FXR2: variants seen among roughly 807,000 people sequenced by gnomAD.
The protein encoded by FXR2 is FMR1 autosomal homolog 2, also known as RNA-binding protein FXR2.
Under a neutral mutation model 87.3 loss-of-function variants are expected in FXR2, and 9 were observed. The observed-to-expected ratio is 0.10, with a 90% CI of 0.06 to 0.18. The LOEUF is 0.18. Ranked by LOEUF, FXR2 falls within the 10% of genes least tolerant of loss-of-function variation. The probability of loss-of-function intolerance (pLI) is 1.00; values close to 1 mark genes in which losing one functional copy is unlikely to be tolerated. For synonymous variants in FXR2, 331 were observed against 328.3 expected (o/e 1.01, Z -0.09); for missense variants, 661 against 893.6 (o/e 0.74, Z 3.32).
At position 7,592,773 on chromosome 17, in the gene FXR2, G is replaced by A. The variant is rs762974908; in HGVS notation, c.1650C>T (p.Arg550=). Residue 550 remains arginine (R), a synonymous_variant, in exon 14 of 17, where the codon CGC becomes CGT. Coordinates refer to ENST00000250113, the MANE Select transcript of FXR2 (RefSeq NM_004860.4). This position sits in a 1 kb window ranked among gnomAD's most constrained non-coding sequence, Gnocchi z 4.8. ...PASARRRRSR[R]RRTDEDRTVM... ...CGGTCCTGTCTTCATCAGTGCGGCG[G>A]CGGCGGGAGCGGCGGCGCCTGGCAC... 5 of 1,613,214 alleles carry A rather than the reference G, an allele frequency of 3.1e-6. No homozygotes were observed. Among genetic ancestry groups the A allele is most frequent in the Non-Finnish European group, 4.2e-6 (5 of 1,179,692 alleles).
chr17:7,595,481 G>C lies in FXR2; in HGVS notation c.831+343C>G, dbSNP rs1264410375. Among the ~76,000 whole-genome samples, 1 of 147,410 alleles carries C rather than the reference G, an allele frequency of 6.8e-6. No individual in the cohort carries two copies. Among genetic ancestry groups the C allele is most frequent in the East Asian group, 2.0e-4 (1 of 5,026 alleles). On this transcript the variant is annotated intron_variant, in intron 8 of 16. Coordinates refer to ENST00000250113, the MANE Select transcript of FXR2 (RefSeq NM_004860.4). The surrounding 1 kb of genome is among the most constrained non-coding windows in gnomAD (Gnocchi z 4.7). ...TTTTTTGGTTTTTGGTTTTTTTGGGGGGTAAAGACAGGGTCTCTCTATGTT... is the reference window on the plus strand; with the variant it reads ...TTTTTTGGTTTTTGGTTTTTTTGGGCGGTAAAGACAGGGTCTCTCTATGTT...
chr17:7,598,232 C>T (rs546801167), intron 7 of FXR2, among the ~76,000 whole-genome samples: 276 of 152,010 alleles, frequency 1.8e-3, no homozygotes, highest in African/African-American at 6.4e-3. Context: ...GGGTGGATCA[C>T]GAGGTCAGGA....
intron 6 of FXR2, 96 bp downstream of exon 6, chr17:7,602,813 C>A: frequency 3.0e-6 from 2 of 656,642 alleles, no homozygotes; most frequent in Non-Finnish European, 2.7e-6. Context: ...TAAATATAAG[C>A]ACATTTAAGC....
intron 7 of FXR2, among the ~76,000 whole-genome samples, chr17:7,598,371 C>T (rs1481157179): frequency 1.3e-5 from 2 of 152,140 alleles, no homozygotes; most frequent in South Asian, 2.1e-4. Flanking sequence ...AGGAGAATGG[C>T]GTGAACTTGG....
intron 7 of FXR2, among the ~76,000 whole-genome samples, 198 bp downstream of exon 7, chr17:7,601,211 A>G (rs892377036): frequency 6.6e-6 from 1 of 152,072 alleles, no homozygotes; most frequent in African/African-American, 2.4e-5. Context: ...GGCTAAAAGA[A>G]ATTTGAAAAT....
intron 5 of FXR2, 114 bp from the exon 6 acceptor site, chr17:7,603,116 G>A: frequency 1.7e-6 from 1 of 604,348 alleles, no homozygotes; most frequent in East Asian, 2.8e-5. Context: ...GGAGGCTAGG[G>A]CAGGATGATC....
chr17:7,592,448 G>T lies in FXR2; in HGVS notation c.1825+56C>A, dbSNP rs1246257012. On this transcript the variant is annotated intron_variant, in intron 15 of 16. Coordinates refer to ENST00000250113, the MANE Select transcript of FXR2 (RefSeq NM_004860.4). This position sits in a 1 kb window ranked among gnomAD's most constrained non-coding sequence, Gnocchi z 4.8. ...CCGAACCCCTGATTTTCACAGGGGT[G>T]AGCATCCCATTCTCTCAGCTCTGAG... 2 of 1,561,286 alleles carry T rather than the reference G, an allele frequency of 1.3e-6. No individual in the cohort carries two copies. Among genetic ancestry groups the T allele is most frequent in the African/African-American group, 2.7e-5 (2 of 73,820 alleles).
At chr17:7,600,168 G>T (rs2071742466) in intron 7 of FXR2, among the ~76,000 whole-genome samples, 1 of 151,370 alleles carries the variant, frequency 6.6e-6, no homozygotes, top group African/African-American at 2.4e-5. Context: ...CAAAGTGCTG[G>T]GATTACAGAC....
chr17:7,613,184 C>T (rs948401646), intron 1 of FXR2, among the ~76,000 whole-genome samples: 26 of 150,730 alleles, frequency 1.7e-4, no homozygotes, highest in African/African-American at 6.1e-4. Context: ...GGGAAAAAGG[C>T]CTGAGGGGAA....
chr17:7,604,394 A>G (rs772516211), intron 3 of FXR2, among the ~76,000 whole-genome samples: 88 of 151,992 alleles, frequency 5.8e-4, no homozygotes, highest in Middle Eastern at 6.8e-3. Context: ...GTGAGACCCC[A>G]CTTCCACGAA....
chr17:7,592,016 G>A lies in FXR2; in HGVS notation c.1927-91C>T. 8.4e-7 allele frequency: 1 copy of A among 1,196,874 alleles called. No homozygotes were observed. The highest frequency in any genetic ancestry group is 1.2e-6 in the Non-Finnish European group (1 of 855,746). 74.1% of individuals were successfully genotyped at this position (1,196,874 alleles called of 1,614,324 possible). A position where few individuals can be genotyped will look rare whatever the true frequency, so the allele number is the denominator to read the frequency against. On this transcript the variant is annotated intron_variant, in intron 16 of 16. Transcript: ENST00000250113. This position sits in a 1 kb window ranked among gnomAD's most constrained non-coding sequence, Gnocchi z 4.8. ...CATTCCCTACCATCCAAGCCCTCCT[G>A]GCATTTGGTGATCCAGAGGTTGGTT...
intron 2 of FXR2, 74 bp downstream of exon 2, chr17:7,606,023 G>A: frequency 2.1e-6 from 2 of 966,410 alleles, no homozygotes; most frequent in Non-Finnish European, 3.2e-6. Context: ...TGCCTCATAG[G>A]ACTCAGCTGC....
rs2071696280 is a variant in FXR2 at position 7,594,994 on chromosome 17, C to T, written c.832-237G>A. ...AAAATTGGTGGCTCACGTCTCTAAT[C>T]CCAGCTACTCCGGAGGCTGAGGCAG... On this transcript the variant is annotated intron_variant, in intron 8 of 16. Transcript: ENST00000250113. This position sits in a 1 kb window ranked among gnomAD's most constrained non-coding sequence, Gnocchi z 5.1. Among the ~76,000 whole-genome samples, 1 of 152,054 alleles carries T rather than the reference C, an allele frequency of 6.6e-6. No individual in the cohort carries two copies. Among genetic ancestry groups the T allele is most frequent in the African/African-American group, 2.4e-5 (1 of 41,388 alleles).
chr17:7,601,372 A>G (rs758909715), intron 7 of FXR2, 37 bp downstream of exon 7: 5 of 1,076,610 alleles, frequency 4.6e-6, no homozygotes, highest in South Asian at 1.2e-5. Flanking sequence ...GAGGAAGACA[A>G]TACCCTTCAG....
At chr17:7,609,042 G>A (rs2071827747) in intron 1 of FXR2, among the ~76,000 whole-genome samples, 1 of 152,184 alleles carries the variant, frequency 6.6e-6, no homozygotes, top group Non-Finnish European at 1.5e-5. Context: ...CAGGGAGGTC[G>A]AGGCTGTGAT....
rs1019556474 is a variant in FXR2, at chr17:7,595,159, C to A, written c.832-402G>T. ...CAAATAAATAACTTAAAAAAAAAAA[C>A]AGAGGACCTTGGCCAGGCACAGCGG... On this transcript the variant is annotated intron_variant, in intron 8 of 16. Transcript: ENST00000250113. The surrounding 1 kb of genome is among the most constrained non-coding windows in gnomAD (Gnocchi z 4.7). Among the ~76,000 whole-genome samples, 2 of 148,798 alleles carry A rather than the reference C, an allele frequency of 1.3e-5. No homozygotes were observed. Among genetic ancestry groups the A allele is most frequent in the Non-Finnish European group, 3.0e-5 (2 of 66,904 alleles).
intron 1 of FXR2, among the ~76,000 whole-genome samples, chr17:7,607,736 T>C (rs2071814922): frequency 6.6e-6 from 1 of 151,782 alleles, no homozygotes; most frequent in Non-Finnish European, 1.5e-5. Flanking sequence ...CTATGATCCA[T>C]TTTGAATTAA....
At chr17:7,614,263 G>A (rs1340764888) in intron 1 of FXR2, among the ~76,000 whole-genome samples, 189 bp downstream of exon 1, 1 of 152,104 alleles carries the variant, frequency 6.6e-6, no homozygotes, top group African/African-American at 2.4e-5. Context: ...GTGCCTTAGA[G>A]GGGTCAAAAA....
intron 7 of FXR2, 91 bp downstream of exon 7, chr17:7,601,318 G>A (rs112934240): frequency 1.0e-5 from 8 of 775,120 alleles, no homozygotes; most frequent in African/African-American, 1.7e-5. Flanking sequence ...CTTAGTCTTT[G>A]TTCTGTAAAC....
Sources: allele counts gnomAD v4.1 joint callset (sites outside exome capture counted in the v4.1 genomes callset), GRCh38; gene constraint gnomAD v4.1.1; non-coding constraint Gnocchi (gnomAD v3.1); transcripts MANE v1.5; gene names NCBI Gene and HGNC (gene_info 2026-07-23, HGNC 2026-07-21).